Variants in RBFOX1 observed in about 807,000 individuals in gnomAD.
The protein encoded by RBFOX1 is RNA binding protein fox-1 homolog 1.
Under a neutral mutation model 57.7 loss-of-function variants are expected in RBFOX1, and 8 were observed. The ratio of observed to expected loss-of-function variants is 0.14; its 90% CI spans 0.08 to 0.25. The LOEUF (loss-of-function observed/expected upper bound fraction) is 0.25. Among genes scored for constraint, RBFOX1 ranks in the 10% least tolerant of loss-of-function variants. RBFOX1 has a pLI of 1.00. For missense variants in RBFOX1, 611 were observed against 548.5 expected, an observed-to-expected ratio of 1.11 and a Z score of -1.14; for synonymous variants, 326 against 222.4, an observed-to-expected ratio of 1.47 and a Z score of -4.15.
chr16:6,356,090 A>G (rs750729608), intron 2 of RBFOX1, among the ~76,000 whole-genome samples: 19 of 152,372 alleles, frequency 1.2e-4, no homozygotes, highest in East Asian at 3.9e-4. Context: ...ATAAATTAAT[A>G]CATGGAAGTA....
intron 2 of RBFOX1, among the ~76,000 whole-genome samples, chr16:6,607,300 C>T (rs1490285773): frequency 2.0e-5 from 3 of 152,266 alleles, no homozygotes; most frequent in South Asian, 2.1e-4. Context: ...TGTCAGCTCT[C>T]ATATTCACAT....
chr16:5,996,113 C>T (rs2060486020), intron 4 of RBFOX1, among the ~76,000 whole-genome samples: 1 of 152,164 alleles, frequency 6.6e-6, no homozygotes, highest in South Asian at 2.1e-4. Context: ...GATCTCACCT[C>T]CTAACACCAT....
At chr16:5,703,961 C>G (rs2051145096) in intron 3 of RBFOX1, among the ~76,000 whole-genome samples, 1 of 151,922 alleles carries the variant, frequency 6.6e-6, no homozygotes, top group African/African-American at 2.4e-5. Context: ...ATTATTATGC[C>G]CAGGTTAAGC....
intron 3 of RBFOX1, among the ~76,000 whole-genome samples, chr16:5,646,020 T>G (rs1054754823): frequency 4.0e-5 from 6 of 151,132 alleles, no homozygotes; most frequent in African/African-American, 1.5e-4. Context: ...GTCCTCTGTT[T>G]TTTTTTTAAT....
chr16:6,508,269 C>G (rs4786875), intron 2 of RBFOX1, among the ~76,000 whole-genome samples: 124,373 of 152,010 alleles, frequency 0.82, 51,420 homozygotes, highest in Non-Finnish European at 0.88. Context: ...TGGGTACTAG[C>G]CTTATTACCT....
chr16:7,672,478 C>G (rs1597759632), intron 13 of RBFOX1, among the ~76,000 whole-genome samples: 1 of 152,068 alleles, frequency 6.6e-6, no homozygotes, highest in Non-Finnish European at 1.5e-5. Context: ...GTACTTTGAC[C>G]TAGTAAAGAG....
At chr16:7,437,553 C>G (rs2098732998) in intron 4 of RBFOX1, among the ~76,000 whole-genome samples, 1 of 152,168 alleles carries the variant, frequency 6.6e-6, no homozygotes, top group African/African-American at 2.4e-5. Flanking sequence ...GGAACGGAAA[C>G]TCAGCAAAAT....
At chr16:7,061,273 T>C (rs2153746877) in intron 4 of RBFOX1, among the ~76,000 whole-genome samples, 1 of 152,282 alleles carries the variant, frequency 6.6e-6, no homozygotes, top group South Asian at 2.1e-4. Flanking sequence ...TAAAATGTTT[T>C]TTAAATGTCA....
intron 3 of RBFOX1, among the ~76,000 whole-genome samples, chr16:6,799,365 T>TAA (rs776399047): frequency 6.6e-6 from 1 of 152,056 alleles, no homozygotes; most frequent in East Asian, 1.9e-4. Context: ...TCTTTGTAGT[T>TAA]AAAAAAAGGT....
At chr16:7,520,508 A>G (rs886745716) in intron 5 of RBFOX1, among the ~76,000 whole-genome samples, 2 of 152,070 alleles carry the variant, frequency 1.3e-5, no homozygotes, top group African/African-American at 2.4e-5. Flanking sequence ...TCTTAACACG[A>G]TGTTGTCTAG....
intron 2 of RBFOX1, among the ~76,000 whole-genome samples, chr16:6,344,391 C>G (rs112670364): frequency 0.04 from 3,806 of 94,378 alleles, 143 homozygotes; most frequent in African/African-American, 0.18. Context: ...CTCTCTTCTT[C>G]TTTTTTCTTT....
intron 2 of RBFOX1, among the ~76,000 whole-genome samples, chr16:6,545,539 A>C (rs531818382): frequency 3.3e-5 from 5 of 152,048 alleles, no homozygotes; most frequent in African/African-American, 1.2e-4. Context: ...GTCCACTCTT[A>C]TGTCACATCT....
chr16:6,830,660 G>C (rs9934837), intron 3 of RBFOX1, among the ~76,000 whole-genome samples: 1 of 152,144 alleles, frequency 6.6e-6, no homozygotes, highest in Non-Finnish European at 1.5e-5. Flanking sequence ...CTTACACAAA[G>C]ACTTCCCCAA....
At chr16:7,390,821 C>G (rs186311076) in intron 4 of RBFOX1, among the ~76,000 whole-genome samples, 6 of 152,020 alleles carry the variant, frequency 3.9e-5, no homozygotes, top group African/African-American at 1.4e-4. Flanking sequence ...TAAGGGAGGA[C>G]AGATTCCAAC....
chr16:7,261,754 G>T (rs577207694), intron 4 of RBFOX1, among the ~76,000 whole-genome samples: 1 of 152,164 alleles, frequency 6.6e-6, no homozygotes, highest in Non-Finnish European at 1.5e-5. Flanking sequence ...GGATGGTGAG[G>T]ACAACAAAGT....
chr16:7,559,640 A>G (rs981763742), intron 5 of RBFOX1, among the ~76,000 whole-genome samples: 1 of 152,206 alleles, frequency 6.6e-6, no homozygotes, highest in Admixed American at 6.5e-5. Flanking sequence ...GTGCTTTCCA[A>G]GGTGGATATG....
chr16:7,157,032 T>A (rs980417073), intron 4 of RBFOX1, among the ~76,000 whole-genome samples: 5 of 152,218 alleles, frequency 3.3e-5, no homozygotes, highest in African/African-American at 1.2e-4. Flanking sequence ...TGAAGGAAAT[T>A]TACAAGGAGC....
At chr16:7,387,006 G>A (rs970518294) in intron 4 of RBFOX1, among the ~76,000 whole-genome samples, 2 of 152,116 alleles carry the variant, frequency 1.3e-5, no homozygotes, top group South Asian at 2.1e-4. Flanking sequence ...TCATATGTTT[G>A]TTGGCTGCAT....
At chr16:7,007,146 C>T (rs189835635) in intron 3 of RBFOX1, among the ~76,000 whole-genome samples, 26 of 152,318 alleles carry the variant, frequency 1.7e-4, no homozygotes, top group African/African-American at 6.0e-4. Context: ...TTTTCAAACT[C>T]CTTCAGGTTG....
Sources: gnomAD v4.1 joint callset for allele counts (sites outside exome capture counted in the v4.1 genomes callset) on GRCh38, gnomAD v4.1.1 for gene constraint, MANE v1.5 for transcripts, NCBI Gene and HGNC (gene_info 2026-07-23, HGNC 2026-07-21) for gene names.